CNTNAP4: variants seen among roughly 807,000 people sequenced by gnomAD.
CNTNAP4 encodes the protein contactin-associated protein-like 4.
CNTNAP4 carries 98 observed loss-of-function variants against 148.4 expected under a neutral mutation model. That is an observed-to-expected ratio of 0.66 (90% CI 0.56 to 0.78). The LOEUF (loss-of-function observed/expected upper bound fraction) is 0.78. Ranked by LOEUF, CNTNAP4 falls within the 30% of genes least tolerant of loss-of-function variation. The probability of loss-of-function intolerance (pLI) is 0.00; values close to 1 mark genes in which losing one functional copy is unlikely to be tolerated. For synonymous variants in CNTNAP4, 730 were observed against 565.1 expected (o/e 1.29, Z -4.14); for missense variants, 1,935 against 1,565.6 (o/e 1.24, Z -3.98).
intron 15 of CNTNAP4, among the ~76,000 whole-genome samples, chr16:76,512,841 G>T (rs917124838): frequency 1.3e-5 from 2 of 152,136 alleles, no homozygotes; most frequent in Non-Finnish European, 2.9e-5. Context: ...AGTGAAGAAC[G>T]TGTTTCAAGG....
In CNTNAP4 at chr16:76,522,634, CTTCT is replaced by C. The variant is rs71134764; in HGVS notation, c.2755+388_2755+391del. ...ATTTCCTTCCTTCCTTCCTTCCTTC[CTTCT>C]TTCTTTCTTTTCTCTCTTTCTCTCT... is the stretch of plus-strand genomic sequence containing the variant. On this transcript the variant is annotated intron_variant, in intron 17 of 23. Transcript: ENST00000611870. Among the ~76,000 whole-genome samples the C allele has an allele frequency of 3.0e-4, 22 of 73,090 alleles. 6 individuals are homozygous for C. Among genetic ancestry groups the C allele is most frequent in the Admixed American group, 6.4e-4 (4 of 6,232 alleles). The allele number at this position is 73,090 out of a possible 152,430, so 47.9% of individuals were successfully genotyped here. A position where few individuals can be genotyped will look rare whatever the true frequency, so the allele number is the denominator to read the frequency against.
At chr16:76,376,909 G>T (rs1436475353) in intron 3 of CNTNAP4, among the ~76,000 whole-genome samples, 1 of 32,250 alleles carries the variant, frequency 3.1e-5, no homozygotes, top group East Asian at 7.5e-4. Context: ...AACAAGGTTT[G>T]TGTGTGTGTG....
At chr16:76,526,366 G>A (rs1233678585) in intron 17 of CNTNAP4, among the ~76,000 whole-genome samples, 2 of 152,152 alleles carry the variant, frequency 1.3e-5, no homozygotes, top group Non-Finnish European at 2.9e-5. Flanking sequence ...TAGGGCCATG[G>A]CGAGGACTAT....
intron 8 of CNTNAP4, 137 bp from the exon 9 acceptor site, chr16:76,461,819 T>G: frequency 1.5e-6 from 1 of 655,606 alleles, no homozygotes; most frequent in Non-Finnish European, 2.5e-6. Context: ...TCCCTTTCCT[T>G]GTTGATGTCA....
chr16:76,353,553 G>C (rs1597292319), intron 2 of CNTNAP4, among the ~76,000 whole-genome samples: 1 of 152,068 alleles, frequency 6.6e-6, no homozygotes, highest in Non-Finnish European at 1.5e-5. Flanking sequence ...CATCATTGCT[G>C]GGACAGGTAC....
intron 9 of CNTNAP4, 30 bp downstream of exon 9, chr16:76,462,135 A>G: frequency 6.3e-7 from 1 of 1,586,214 alleles, no homozygotes; most frequent in Non-Finnish European, 8.6e-7. Context: ...TCTATGAGCA[A>G]CTGAACCATA....
At position 76,277,595 on chromosome 16, in the gene CNTNAP4, C is replaced by T. The variant is rs1309677971; in HGVS notation, c.-68C>T. 3 of 1,057,952 alleles carry T rather than the reference C, an allele frequency of 2.8e-6. No individual in the cohort carries two copies. Among genetic ancestry groups the T allele is most frequent in the South Asian group, 1.4e-5 (1 of 73,986 alleles). The allele number at this position is 1,057,952 out of a possible 1,614,324, so 65.5% of individuals were successfully genotyped here. A position where few individuals can be genotyped will look rare whatever the true frequency, so the allele number is the denominator to read the frequency against. On this transcript the variant is annotated 5_prime_UTR_variant, in exon 1 of 24. Coordinates refer to ENST00000611870, the MANE Select transcript of CNTNAP4 (RefSeq NM_033401.5). The stretch of plus-strand genomic sequence containing the variant: ...GACCCAGACAGAGCTGGCAGAGCTA[C>T]TGAGAAGAGGACTGGAGCGCTCTGA...
intron 18 of CNTNAP4, 97 bp from the exon 19 acceptor site, chr16:76,538,019 G>T (rs1157834050): frequency 6.4e-6 from 3 of 469,144 alleles, no homozygotes; most frequent in Admixed American, 4.3e-5. Context: ...TTCTATCTAT[G>T]CAATTCATTA....
At chr16:76,342,410 G>A (rs181641773) in intron 2 of CNTNAP4, among the ~76,000 whole-genome samples, 3 of 149,720 alleles carry the variant, frequency 2.0e-5, no homozygotes, top group Non-Finnish European at 4.5e-5. Flanking sequence ...GTTGTCTATT[G>A]AGTTTGGCTG....
chr16:76,395,233 A>AT (rs1027448622), intron 3 of CNTNAP4, among the ~76,000 whole-genome samples: 3 of 150,504 alleles, frequency 2.0e-5, no homozygotes, highest in South Asian at 2.1e-4. Context: ...GATATTATTA[A>AT]TTTTTTTTAA....
At chr16:76,288,783 AT>A (rs565035364) in intron 1 of CNTNAP4, among the ~76,000 whole-genome samples, 7 of 152,116 alleles carry the variant, frequency 4.6e-5, no homozygotes, top group African/African-American at 1.4e-4. Context: ...GATAATTTGT[AT>A]TTTTTTTCAG....
intron 23 of CNTNAP4, 103 bp downstream of exon 23, chr16:76,554,010 G>A: frequency 1.4e-6 from 1 of 703,546 alleles, no homozygotes; most frequent in Non-Finnish European, 2.4e-6. Context: ...CATACTCCAA[G>A]TGCCAGGCAC....
intron 2 of CNTNAP4, among the ~76,000 whole-genome samples, chr16:76,325,762 G>A (rs367909808): frequency 5.3e-5 from 8 of 151,724 alleles, no homozygotes; most frequent in African/African-American, 1.9e-4. Flanking sequence ...GCAAAAGGAA[G>A]GAAAAAACCC....
At chr16:76,370,090 C>T (rs2014622883) in intron 3 of CNTNAP4, among the ~76,000 whole-genome samples, 1 of 152,124 alleles carries the variant, frequency 6.6e-6, no homozygotes, top group Non-Finnish European at 1.5e-5. Context: ...AATGAACCCT[C>T]ACATAAACAA....
intron 1 of CNTNAP4, among the ~76,000 whole-genome samples, chr16:76,303,033 C>A (rs549200060): frequency 5.3e-5 from 8 of 152,302 alleles, no homozygotes; most frequent in Admixed American, 5.2e-4. Context: ...ACTCTGCCAG[C>A]TTTTAGCCAA....
At chr16:76,463,416 G>T (rs1294508349) in intron 9 of CNTNAP4, among the ~76,000 whole-genome samples, 2 of 152,174 alleles carry the variant, frequency 1.3e-5, no homozygotes, top group East Asian at 1.9e-4. Flanking sequence ...TGCCTAGCTA[G>T]TTGATATAAA....
chr16:76,369,969 G>T (rs950944765), intron 3 of CNTNAP4, among the ~76,000 whole-genome samples: 1 of 152,256 alleles, frequency 6.6e-6, no homozygotes, highest in Non-Finnish European at 1.5e-5. Flanking sequence ...TCTTTACTCA[G>T]TCTACCAATT....
At chr16:76,460,791 T>TAC (rs2080930090) in intron 8 of CNTNAP4, among the ~76,000 whole-genome samples, 1 of 110,340 alleles carries the variant, frequency 9.1e-6, no homozygotes, top group African/African-American at 3.3e-5. Context: ...TATATATATA[T>TAC]ATATTTAGAA....
At chr16:76,332,122 A>AT (rs1486518471) in intron 2 of CNTNAP4, among the ~76,000 whole-genome samples, 2 of 151,740 alleles carry the variant, frequency 1.3e-5, no homozygotes, top group Non-Finnish European at 2.9e-5. Context: ...TGCTTTTAAG[A>AT]TTTTTTCTTT....
Sources: allele counts gnomAD v4.1 joint callset (sites outside exome capture counted in the v4.1 genomes callset), GRCh38; gene constraint gnomAD v4.1.1; transcripts MANE v1.5; gene names NCBI Gene and HGNC (gene_info 2026-07-23, HGNC 2026-07-21).